Variants in RHOJ observed in about 807,000 individuals in gnomAD.
RHOJ encodes rho-related GTP-binding protein RhoJ.
RHOJ carries 11 observed loss-of-function variants against 23.4 expected under a neutral mutation model. The ratio of observed to expected loss-of-function variants is 0.47; its 90% CI spans 0.30 to 0.78. RHOJ has a LOEUF of 0.78. Ranked by LOEUF, RHOJ falls within the 30% of genes least tolerant of loss-of-function variation. The probability of loss-of-function intolerance (pLI) is 0.08; values close to 1 mark genes in which losing one functional copy is unlikely to be tolerated. For missense variants in RHOJ, 254 were observed against 273.4 expected (o/e 0.93, Z 0.50); for synonymous variants, 102 against 102.7 (o/e 0.99, Z 0.04).
At chr14:63,258,651 T>C (rs1895222284) in intron 1 of RHOJ, among the ~76,000 whole-genome samples, 1 of 152,148 alleles carries the variant, frequency 6.6e-6, no homozygotes, top group South Asian at 2.1e-4. Flanking sequence ...TGGGCTTTCC[T>C]GAGTTGCCAG....
intron 1 of RHOJ, among the ~76,000 whole-genome samples, chr14:63,233,504 C>T (rs137912796): frequency 2.6e-5 from 4 of 152,212 alleles, no homozygotes; most frequent in Non-Finnish European, 5.9e-5. Context: ...TAATATGATG[C>T]CTTTGCTTAT....
chr14:63,232,344 A>C (rs556589678), intron 1 of RHOJ, among the ~76,000 whole-genome samples: 1 of 152,346 alleles, frequency 6.6e-6, no homozygotes, highest in African/African-American at 2.4e-5. Context: ...CATTTTGCTG[A>C]TCCAATATAA....
At chr14:63,228,611 A>T (rs1187639111) in intron 1 of RHOJ, among the ~76,000 whole-genome samples, 1 of 152,016 alleles carries the variant, frequency 6.6e-6, no homozygotes, top group African/African-American at 2.4e-5. Flanking sequence ...TGTGTATAGT[A>T]TGCTTCCATA....
At chr14:63,216,664 C>G (rs1265653509) in intron 1 of RHOJ, among the ~76,000 whole-genome samples, 3 of 152,098 alleles carry the variant, frequency 2.0e-5, no homozygotes, top group Non-Finnish European at 4.4e-5. Context: ...ATGACATTTG[C>G]AATAATTCAA....
intron 1 of RHOJ, among the ~76,000 whole-genome samples, chr14:63,258,580 G>A (rs1014604365): frequency 1.3e-5 from 2 of 152,014 alleles, no homozygotes; most frequent in Non-Finnish European, 2.9e-5. Context: ...AGCACCCTTG[G>A]CCACCCAGCT....
Position 63,226,533 on chromosome 14 carries a change from T to C in RHOJ, c.178+21486T>C, listed in dbSNP as rs1055389375. On this transcript the variant is annotated intron_variant, in intron 1 of 4. Coordinates refer to ENST00000316754, the MANE Select transcript of RHOJ (RefSeq NM_020663.5). ...TAAAAGAATTAGAGAGAAAATTATA[T>C]ATAAAACAATATATAAATAAAATAA... Among the ~76,000 whole-genome samples, 6 of 150,506 alleles carry C rather than the reference T, an allele frequency of 4.0e-5. No homozygotes were observed. The East Asian group carries it at 9.7e-4, about 24-fold the overall frequency.
chr14:63,273,290 C>A (rs990896049), intron 2 of RHOJ, among the ~76,000 whole-genome samples: 1 of 152,140 alleles, frequency 6.6e-6, no homozygotes, highest in Non-Finnish European at 1.5e-5. Flanking sequence ...GGAAATAAGG[C>A]CAACCAGCCC....
At chr14:63,282,986 T>A in intron 3 of RHOJ, 135 bp from the exon 4 acceptor site, 1 of 652,630 alleles carries the variant, frequency 1.5e-6, no homozygotes, top group Non-Finnish European at 2.7e-6. Context: ...CATGGGCATG[T>A]GAATCTGCTT....
rs12232219 is a variant in RHOJ, at chr14:63,219,097, G to A, written c.178+14050G>A. 4.3e-3 allele frequency among the ~76,000 whole-genome samples: 660 copies of A among 152,238 alleles called. 26 individuals are homozygous for A. The East Asian group carries it at 0.11, about 26-fold the overall frequency. On this transcript the variant is annotated intron_variant, in intron 1 of 4. Coordinates refer to ENST00000316754, the MANE Select transcript of RHOJ (RefSeq NM_020663.5). ...TTTCCTATCTTTCACCATCTCTTGA[G>A]CAATTTAGAAGCTTGTTCCCTGTGA...
intron 1 of RHOJ, among the ~76,000 whole-genome samples, chr14:63,258,449 A>AAT (rs35755497): frequency 2.1e-3 from 307 of 148,892 alleles, no homozygotes; most frequent in Middle Eastern, 3.5e-3. Flanking sequence ...AACTGTTTAA[A>AAT]ATATATATAT....
At chr14:63,217,917 C>T (rs998075953) in intron 1 of RHOJ, among the ~76,000 whole-genome samples, 1 of 152,200 alleles carries the variant, frequency 6.6e-6, no homozygotes, top group Non-Finnish European at 1.5e-5. Flanking sequence ...CGATTACTTG[C>T]AGGCCTAACA....
At chr14:63,231,533 G>A (rs145325258) in intron 1 of RHOJ, among the ~76,000 whole-genome samples, 14 of 152,298 alleles carry the variant, frequency 9.2e-5, no homozygotes, top group African/African-American at 2.9e-4. Context: ...AGGAATGGAC[G>A]CACACACATG....
chr14:63,285,377 A>G (rs1882046994), intron 4 of RHOJ, among the ~76,000 whole-genome samples: 1 of 152,142 alleles, frequency 6.6e-6, no homozygotes. Context: ...CTTCTTTTTT[A>G]TATACTGGAG....
chr14:63,284,094 C>T (rs1881998748), intron 4 of RHOJ, among the ~76,000 whole-genome samples: 1 of 152,186 alleles, frequency 6.6e-6, no homozygotes, highest in African/African-American at 2.4e-5. Flanking sequence ...CCTAGTAAAA[C>T]GCATACCGCA....
At chr14:63,260,372 G>T (rs1052901322) in intron 1 of RHOJ, among the ~76,000 whole-genome samples, 2 of 152,108 alleles carry the variant, frequency 1.3e-5, no homozygotes, top group Non-Finnish European at 2.9e-5. Flanking sequence ...TTATAAGCTT[G>T]GTCCTACAGC....
intron 1 of RHOJ, among the ~76,000 whole-genome samples, chr14:63,236,928 A>G (rs954674193): frequency 6.6e-6 from 1 of 152,148 alleles, no homozygotes; most frequent in Admixed American, 6.5e-5. Flanking sequence ...TATACTTTAA[A>G]TCATCTCTAG....
At chr14:63,232,410 G>C (rs1894711674) in intron 1 of RHOJ, among the ~76,000 whole-genome samples, 1 of 152,120 alleles carries the variant, frequency 6.6e-6, no homozygotes, top group Non-Finnish European at 1.5e-5. Flanking sequence ...AAGGTACCTG[G>C]GAAGTGGGCA....
intron 1 of RHOJ, among the ~76,000 whole-genome samples, chr14:63,219,621 T>G (rs1282078223): frequency 2.0e-5 from 3 of 151,988 alleles, no homozygotes; most frequent in East Asian, 1.9e-4. Context: ...ATCAAGACCA[T>G]CCTGGTCAAC....
intron 1 of RHOJ, among the ~76,000 whole-genome samples, chr14:63,235,732 A>G (rs1016940501): frequency 9.2e-5 from 14 of 152,168 alleles, no homozygotes; most frequent in African/African-American, 3.4e-4. Flanking sequence ...TGCAACACAC[A>G]CTATTTCAAA....
Sources: gnomAD v4.1 joint callset for allele counts (sites outside exome capture counted in the v4.1 genomes callset) on GRCh38, gnomAD v4.1.1 for gene constraint, MANE v1.5 for transcripts, NCBI Gene and HGNC (gene_info 2026-07-23, HGNC 2026-07-21) for gene names.